The following RBM6 variants were observed in gnomAD, a reference collection of about 807,000 sequenced individuals.
The protein encoded by RBM6 is RNA-binding protein 6.
RBM6 carries 23 observed loss-of-function variants against 140.4 expected under a neutral mutation model. The ratio of observed to expected loss-of-function variants is 0.16; its 90% CI spans 0.12 to 0.23. The LOEUF (loss-of-function observed/expected upper bound fraction) is 0.23, where lower values mean the gene tolerates loss of function less well. RBM6 is among the 10% of genes least tolerant of loss of function. The pLI is 1.00. For missense variants in RBM6, 1,139 were observed against 1,386.7 expected, an observed-to-expected ratio of 0.82 and a Z score of 2.84; for synonymous variants, 439 against 475.6, an observed-to-expected ratio of 0.92 and a Z score of 1.00.
At chr3:50,023,731 C>A (rs897903037) in intron 6 of RBM6, among the ~76,000 whole-genome samples, 1 of 141,134 alleles carries the variant, frequency 7.1e-6, no homozygotes, top group Non-Finnish European at 1.5e-5. Flanking sequence ...TCTCAGCTTA[C>A]TGCAACCTCC....
Position 49,968,598 on chromosome 3 carries a change from G to C in RBM6, c.1173G>C (p.Leu391=). 6.2e-7 allele frequency: 1 copy of C among 1,614,144 alleles called. No individual in the cohort carries two copies. The highest frequency in any genetic ancestry group is 8.5e-7 in the Non-Finnish European group (1 of 1,180,038). ...DAGLFKEEGG[L]DFLGRQDTDY... ...GTCTGTTTAAAGAAGAAGGCGGTCT[G>C]GACTTTCTTGGGCGGCAAGACACCG... The change falls in exon 3 of 21, where the codon CTG becomes CTC. Residue 391 remains leucine (L), a synonymous_variant. Coordinates refer to ENST00000266022, the MANE Select transcript of RBM6 (RefSeq NM_005777.3).
chr3:50,054,128 C>A, intron 7 of RBM6: 1 of 500,364 alleles, frequency 2.0e-6, no homozygotes, highest in Non-Finnish European at 3.5e-6. Flanking sequence ...TCCCAGATGC[C>A]TTGTTATAAG....
intron 2 of RBM6, among the ~76,000 whole-genome samples, chr3:49,966,445 A>G (rs1309072037): frequency 6.6e-6 from 1 of 152,220 alleles, no homozygotes; most frequent in Non-Finnish European, 1.5e-5. Flanking sequence ...TGAAGCCAAA[A>G]CATGTAAAAT....
intron 6 of RBM6, among the ~76,000 whole-genome samples, chr3:50,042,970 TGGA>T (rs1318830678): frequency 6.6e-6 from 1 of 152,146 alleles, no homozygotes; most frequent in African/African-American, 2.4e-5. Flanking sequence ...TGTCTCTAGG[TGGA>T]GAATAAGGAC....
chr3:49,955,906 A>C (rs542869918), intron 1 of RBM6, among the ~76,000 whole-genome samples: 1 of 149,676 alleles, frequency 6.7e-6, no homozygotes, highest in South Asian at 2.1e-4. Context: ...ATATTCTGCC[A>C]ATATTTTGTG....
At chr3:49,944,474 C>CTT (rs34463596) in intron 1 of RBM6, among the ~76,000 whole-genome samples, 3,845 of 132,256 alleles carry the variant, frequency 0.029, 245 homozygotes, top group African/African-American at 0.1. Flanking sequence ...GTACAAATAT[C>CTT]TTTTTTTTTT....
intron 1 of RBM6, among the ~76,000 whole-genome samples, chr3:49,948,827 A>ATTTT (rs767843268): frequency 1.0e-5 from 1 of 98,874 alleles, no homozygotes; most frequent in African/African-American, 3.7e-5. Flanking sequence ...TACATACCCA[A>ATTTT]TTTTTTTTTT....
rs1347720241 is a variant in RBM6, at chr3:49,999,474, A to T, written c.1518A>T (p.Ser506=). Residue 506 remains serine, a synonymous_variant, in exon 6 of 21, where the codon TCA becomes TCT. Coordinates refer to ENST00000266022, the MANE Select transcript of RBM6 (RefSeq NM_005777.3). ...YDYGYVCVEF[S]LLEDAIGCME... is the part of the protein sequence containing the mutation. Reference sequence around the variant, plus strand: ...ATGGCTATGTCTGCGTGGAGTTTTCACTCTTGGAAGATGCCATCGGATGCA... The same window carrying T: ...ATGGCTATGTCTGCGTGGAGTTTTCTCTCTTGGAAGATGCCATCGGATGCA... 2 of 1,613,428 alleles carry T rather than the reference A, an allele frequency of 1.2e-6. No individual in the cohort carries two copies. Among genetic ancestry groups the T allele is most frequent in the Non-Finnish European group, 8.5e-7 (1 of 1,179,852 alleles).
At chr3:50,021,740 C>CTTTTGTTTTTTT (rs2087493041) in intron 6 of RBM6, among the ~76,000 whole-genome samples, 1 of 42,732 alleles carries the variant, frequency 2.3e-5, no homozygotes, top group Non-Finnish European at 4.1e-5. Flanking sequence ...AATTTAAGTG[C>CTTTTGTTTTTTT]TTTTTTTTTT....
chr3:49,951,872 G>A (rs1332505606), intron 1 of RBM6, among the ~76,000 whole-genome samples: 6 of 151,826 alleles, frequency 4.0e-5, no homozygotes, highest in Non-Finnish European at 7.4e-5. Context: ...ACAGGTGCCC[G>A]CCACCACGCC....
intron 2 of RBM6, among the ~76,000 whole-genome samples, chr3:49,965,793 T>G (rs1254967647): frequency 6.6e-6 from 1 of 152,126 alleles, no homozygotes; most frequent in Non-Finnish European, 1.5e-5. Context: ...ATGTACATCA[T>G]TCTAGTGTTT....
intron 1 of RBM6, among the ~76,000 whole-genome samples, chr3:49,961,726 G>T (rs1292429374): frequency 6.6e-6 from 1 of 151,744 alleles, no homozygotes; most frequent in Non-Finnish European, 1.5e-5. Context: ...TCGAACCGGG[G>T]AGGCAGAGGT....
At chr3:50,003,619 G>C (rs1054887214) in intron 6 of RBM6, among the ~76,000 whole-genome samples, 1 of 152,174 alleles carries the variant, frequency 6.6e-6, no homozygotes, top group African/African-American at 2.4e-5. Context: ...GTGTGCCTTC[G>C]TGAAGTTGCT....
At chr3:50,069,368 G>T (rs1023333114) in intron 18 of RBM6, among the ~76,000 whole-genome samples, 1 of 151,934 alleles carries the variant, frequency 6.6e-6, no homozygotes, top group Non-Finnish European at 1.5e-5. Context: ...TAAAAATTAG[G>T]TGGACATGGG....
chr3:50,038,147 C>T lies in RBM6; in HGVS notation c.1558-10098C>T, dbSNP rs181083660. 3.0e-3 allele frequency among the ~76,000 whole-genome samples: 455 copies of T among 151,876 alleles called. 1 individual carries two copies. The highest frequency in any genetic ancestry group is 0.024 in the Middle Eastern group (7 of 294). ...CCAATGTCTCTTTTGGATGGTGGATCCTGAAGAATAGCTGCTGGTTCTTTG... is the reference window on the plus strand; with the variant it reads ...CCAATGTCTCTTTTGGATGGTGGATTCTGAAGAATAGCTGCTGGTTCTTTG... On this transcript the variant is annotated intron_variant, in intron 6 of 20. Transcript: ENST00000266022.
In RBM6 at chr3:49,972,078, G is replaced by A; in HGVS notation, c.1343G>A (p.Gly448Asp). 6.2e-7 allele frequency: 1 copy of A among 1,612,298 alleles called. No individual in the cohort carries two copies. The highest frequency in any genetic ancestry group is 8.5e-7 in the Non-Finnish European group (1 of 1,178,622). The change falls in exon 4 of 21, where the codon GGC (glycine) becomes GAC (aspartate). Residue 448 changes from glycine (G) to aspartate (D), a missense_variant. Gly to Asp is a moderately conservative substitution (Grantham distance 94, BLOSUM62 -1). Around this residue, in one of 9 missense-constraint regions of RBM6, gnomAD observed 566 missense variants for 612.7 expected, o/e 0.92. Coordinates refer to ENST00000266022, the MANE Select transcript of RBM6 (RefSeq NM_005777.3). ...RDLQDQDYRT[G>D]PSEEKPSRLI... is the part of the protein sequence containing the mutation. Reference sequence around the variant, plus strand: ...TTTAAGGATCAAGATTATAGGACCGGCCCAAGTGAGGAGAAACCCAGCAGG... The same window carrying A: ...TTTAAGGATCAAGATTATAGGACCGACCCAAGTGAGGAGAAACCCAGCAGG...
chr3:49,958,585 A>C (rs1433943331), intron 1 of RBM6, among the ~76,000 whole-genome samples: 1 of 150,456 alleles, frequency 6.6e-6, no homozygotes, highest in Non-Finnish European at 1.5e-5. Context: ...AAAACAAAAA[A>C]CAAAAAACCA....
intron 4 of RBM6, among the ~76,000 whole-genome samples, chr3:49,972,529 A>G (rs2084847297): frequency 6.6e-6 from 1 of 152,204 alleles, no homozygotes; most frequent in Admixed American, 6.5e-5. Flanking sequence ...GAAACTGCCT[A>G]ACTGCCCTGT....
intron 6 of RBM6, among the ~76,000 whole-genome samples, chr3:50,012,115 G>A (rs1270100821): frequency 1.3e-5 from 2 of 152,140 alleles, no homozygotes; most frequent in South Asian, 4.1e-4. Flanking sequence ...CCTTCCCAAA[G>A]TGCTGGGATT....
Sources: gnomAD v4.1 joint callset for allele counts (sites outside exome capture counted in the v4.1 genomes callset) on GRCh38, gnomAD v4.1.1 for gene constraint, gnomAD v4.1.1 regional missense constraint, MANE v1.5 for transcripts, NCBI Gene and HGNC (gene_info 2026-07-23, HGNC 2026-07-21) for gene names.